Variants in ITGA5 observed in about 807,000 individuals in gnomAD.
The protein encoded by ITGA5 is integrin alpha-5.
Under a neutral mutation model 146.3 loss-of-function variants are expected in ITGA5, and 55 were observed. The ratio of observed to expected loss-of-function variants is 0.38; its 90% CI spans 0.30 to 0.47. The LOEUF (loss-of-function observed/expected upper bound fraction) is 0.47, where lower values mean the gene tolerates loss of function less well. ITGA5 is among the 20% of genes least tolerant of loss of function. ITGA5 has a pLI of 0.99. For missense variants in ITGA5, 1,131 were observed against 1,329.0 expected (o/e 0.85, Z 2.32); for synonymous variants, 500 against 531.8 (o/e 0.94, Z 0.82).
intron 1 of ITGA5, among the ~76,000 whole-genome samples, chr12:54,415,400 G>C (rs1019916974): frequency 1.3e-5 from 2 of 152,136 alleles, no homozygotes; most frequent in Admixed American, 1.3e-4. Context: ...ATGGCATAAA[G>C]GCAGACTGGC....
chr12:54,404,739 G>T lies in ITGA5; in HGVS notation c.1381C>A (p.Arg461=). ...TTGCCATCCAGGTCTCGGCCTCCTC[G>T]AAGGGCAGAGCCAAAGAAGTCTGGG... ...HTPDFFGSAL[R]GGRDLDGNGY... is the part of the protein sequence containing the mutation. The change falls in exon 13 of 30, where the codon CGA becomes AGA. Residue 461 remains arginine, a synonymous_variant. Transcript: ENST00000293379. 1 of 1,614,108 alleles carries T rather than the reference G, an allele frequency of 6.2e-7. No homozygotes were observed. Among genetic ancestry groups the T allele is most frequent in the African/African-American group, 1.3e-5 (1 of 75,058 alleles).
chr12:54,415,062 C>T (rs896476023), intron 1 of ITGA5, among the ~76,000 whole-genome samples: 2 of 152,090 alleles, frequency 1.3e-5, no homozygotes, highest in Non-Finnish European at 2.9e-5. Flanking sequence ...GCAGGAGAAT[C>T]GCTTGAACCA....
intron 27 of ITGA5, among the ~76,000 whole-genome samples, chr12:54,399,228 GACT>G (rs1287205583): frequency 9.9e-5 from 15 of 152,258 alleles, no homozygotes; most frequent in Non-Finnish European, 1.6e-4. Context: ...ATAATTAGAT[GACT>G]ACGTGTTCAA....
chr12:54,406,179 C>T, intron 9 of ITGA5: 2 of 563,508 alleles, frequency 3.5e-6, no homozygotes, highest in Non-Finnish European at 6.4e-6. Flanking sequence ...GTTCGTTGTC[C>T]CTCTCTACCC....
intron 20 of ITGA5, 42 bp from the exon 21 acceptor site, chr12:54,402,135 C>G: frequency 6.2e-7 from 1 of 1,613,882 alleles, no homozygotes; most frequent in Non-Finnish European, 8.5e-7. Flanking sequence ...GGTGTCCCCT[C>G]TAGAGGGGTA....
In ITGA5 at chr12:54,410,048, G is replaced by C. The variant is rs184330490; in HGVS notation, c.350-451C>G. Among the ~76,000 whole-genome samples, 903 of 152,054 alleles carry C rather than the reference G, an allele frequency of 5.9e-3. 4 individuals are homozygous for C. The highest frequency in any genetic ancestry group is 0.01 in the Non-Finnish European group (687 of 67,982). On this transcript the variant is annotated intron_variant, in intron 2 of 29. Coordinates refer to ENST00000293379, the MANE Select transcript of ITGA5 (RefSeq NM_002205.5). ...ATTTTTGTATTTTTAGTAGAGACGG[G>C]GTTTCATCATGTTGGTCAGGCTGAT...
At chr12:54,400,800 C>T in intron 25 of ITGA5, 46 bp downstream of exon 25, 1 of 1,595,574 alleles carries the variant, frequency 6.3e-7, no homozygotes, top group Non-Finnish European at 8.6e-7. Context: ...CAGCCTTGGT[C>T]CTCTGAATCT....
chr12:54,411,751 C>A (rs1795842), intron 2 of ITGA5, 83 bp downstream of exon 2: 9 of 1,260,206 alleles, frequency 7.1e-6, no homozygotes, highest in Admixed American at 3.2e-5. Context: ...GCAGGCTCCA[C>A]CCCTCGCCCC....
At position 54,401,638 on chromosome 12, in the gene ITGA5, G is replaced by T; in HGVS notation, c.2334C>A (p.Asp778Glu). Residue 778 changes from aspartate to glutamate, a missense_variant, in exon 23 of 30, where the codon GAC becomes GAA. Physicochemically the swap from Asp to Glu is conservative, Grantham distance 45. Around this residue, in one of 3 missense-constraint regions of ITGA5, gnomAD observed 889 missense variants for 1,021.5 expected, o/e 0.87. Coordinates refer to ENST00000293379, the MANE Select transcript of ITGA5 (RefSeq NM_002205.5). This position sits in a 1 kb window ranked among gnomAD's most constrained non-coding sequence, Gnocchi z 5.0. ...LSKNLNNSQS[D>E]VVSFRLSVEA... ...CCACGGAGAGCCGAAAGGAAACCAC[G>T]TCGCTTTGCGAGTTGTTGAGATTCT... The T allele has an allele frequency of 6.2e-7, 1 of 1,614,188 alleles. No individual in the cohort carries two copies. The highest frequency in any genetic ancestry group is 8.5e-7 in the Non-Finnish European group (1 of 1,180,038).
At chr12:54,414,844 T>TCAACAA (rs762357824) in intron 1 of ITGA5, among the ~76,000 whole-genome samples, 6 of 149,804 alleles carry the variant, frequency 4.0e-5, no homozygotes, top group South Asian at 2.2e-4. Context: ...AGACTCCTTC[T>TCAACAA]CAACAACAAC....
chr12:54,398,732 C>G (rs1565637639), intron 27 of ITGA5, 34 bp from the exon 28 acceptor site: 1 of 1,454,006 alleles, frequency 6.9e-7, no homozygotes, highest in East Asian at 2.5e-5. Flanking sequence ...AGCACATCCT[C>G]TCTTGGGATC....
At chr12:54,404,368 T>C in intron 14 of ITGA5, 62 bp downstream of exon 14, 2 of 1,590,838 alleles carry the variant, frequency 1.3e-6, no homozygotes. Flanking sequence ...CTCAGCTCTG[T>C]TGAGAAATTT....
Position 54,411,984 on chromosome 12 carries a change from G to T in ITGA5, c.219-20C>A. 1 of 1,552,900 alleles carries T rather than the reference G, an allele frequency of 6.4e-7. No individual in the cohort carries two copies. The highest frequency in any genetic ancestry group is 1.4e-5 in the African/African-American group (1 of 72,578). ...CTGACCCTGTGGGGGGGAAAAGCGA[G>T]GCAGTTGAGGATGGCTCCTAGCTTT... On this transcript the variant is annotated intron_variant, in intron 1 of 29. Transcript: ENST00000293379.
Position 54,409,123 on chromosome 12 carries a change from C to T in ITGA5, c.583+109G>A. The stretch of plus-strand genomic sequence containing the variant: ...TGGGTTAGCCTTTATCTTAAGCAAC[C>T]TAGAACCTCATGGGGGCACATGGTA... On this transcript the variant is annotated intron_variant, in intron 4 of 29. Coordinates refer to ENST00000293379, the MANE Select transcript of ITGA5 (RefSeq NM_002205.5). This position sits in a 1 kb window ranked among gnomAD's most constrained non-coding sequence, Gnocchi z 4.7. 1 of 1,503,406 alleles carries T rather than the reference C, an allele frequency of 6.7e-7. No individual in the cohort carries two copies. The allele number at this position is 1,503,406 out of a possible 1,614,324, so 93.1% of individuals were successfully genotyped here.
Position 54,402,337 on chromosome 12 carries a change from G to A in ITGA5, c.1983-7C>T, listed in dbSNP as rs1407804905. On this transcript the variant is annotated splice_region_variant and splice_polypyrimidine_tract_variant and intron_variant, in intron 19 of 29. Coordinates refer to ENST00000293379, the MANE Select transcript of ITGA5 (RefSeq NM_002205.5). ...GTACACATGGTTCTGCTCCCTGGAA[G>A]GGACACAGAGGGTAAGGGACATTGG... 1.2e-6 allele frequency: 2 copies of A among 1,608,056 alleles called. No individual in the cohort carries two copies. The highest frequency in any genetic ancestry group is 8.5e-7 in the Non-Finnish European group (1 of 1,176,602).
In ITGA5 at chr12:54,408,111, T is replaced by C; in HGVS notation, c.816A>G (p.Leu272=). 3 of 1,614,164 alleles carry C rather than the reference T, an allele frequency of 1.9e-6. No individual in the cohort carries two copies. The highest frequency in any genetic ancestry group is 1.3e-5 in the African/African-American group (1 of 75,048). ...QASSIYDDSY[L]GYSVAVGEFS... ...TCCCTTCCCCACTTGCTTGCTCACC[T>C]AGGTAGCTGTCATCATAGATGGAAC... The change falls in exon 7 of 30, where the codon CTA becomes CTG. Residue 272 remains leucine, a splice_region_variant and synonymous_variant. Coordinates refer to ENST00000293379, the MANE Select transcript of ITGA5 (RefSeq NM_002205.5).
rs1234021059 is a variant in ITGA5 at position 54,409,082 on chromosome 12, A to T, written c.584-128T>A. The T allele has an allele frequency of 7.1e-7, 1 of 1,406,972 alleles. No individual in the cohort carries two copies. Among genetic ancestry groups the T allele is most frequent in the Admixed American group, 1.8e-5 (1 of 54,196 alleles). The allele number at this position is 1,406,972 out of a possible 1,614,324, so 87.2% of individuals were successfully genotyped here. ...GGCCTTCCTGGACCAGACAGTAAGC[A>T]TAAAGGCTAACGAACTGGGTTAGCC... On this transcript the variant is annotated intron_variant, in intron 4 of 29. Transcript: ENST00000293379. The surrounding 1 kb of genome is among the most constrained non-coding windows in gnomAD (Gnocchi z 4.7).
In ITGA5 at chr12:54,403,537, C is replaced by T. The variant is rs557120921; in HGVS notation, c.1776+88G>A. On this transcript the variant is annotated intron_variant, in intron 17 of 29. Coordinates refer to ENST00000293379, the MANE Select transcript of ITGA5 (RefSeq NM_002205.5). This position sits in a 1 kb window ranked among gnomAD's most constrained non-coding sequence, Gnocchi z 4.9. ...AGAGTCCCAAGCCCTTCACTGGAGTCCCCCAGTCTTTTTCCCTTCAGGAGG... is the reference window on the plus strand; with the variant it reads ...AGAGTCCCAAGCCCTTCACTGGAGTTCCCCAGTCTTTTTCCCTTCAGGAGG... 4.2e-6 allele frequency: 6 copies of T among 1,440,526 alleles called. No homozygotes were observed. The highest frequency in any genetic ancestry group is 2.3e-5 in the East Asian group (1 of 43,612). 89.2% of individuals were successfully genotyped at this position (1,440,526 alleles called of 1,614,324 possible).
chr12:54,403,615 TG>T lies in ITGA5; in HGVS notation c.1776+9del, dbSNP rs756404796. ...CCTGGCCAGTCCACACCCCGCCCTC[TG>T]GGCCATACCCTGAGGTAGATCTTCA... On this transcript the variant is annotated intron_variant, in intron 17 of 29. Transcript: ENST00000293379. This position sits in a 1 kb window ranked among gnomAD's most constrained non-coding sequence, Gnocchi z 4.9. 6.2e-7 allele frequency: 1 copy of T among 1,611,806 alleles called. No individual in the cohort carries two copies.
Sources: gnomAD v4.1 joint callset for allele counts (sites outside exome capture counted in the v4.1 genomes callset) on GRCh38, gnomAD v4.1.1 for gene constraint, gnomAD v4.1.1 regional missense constraint, Gnocchi (gnomAD v3.1) non-coding constraint, MANE v1.5 for transcripts, NCBI Gene and HGNC (gene_info 2026-07-23, HGNC 2026-07-21) for gene names.